The following XPNPEP3 variants were observed in gnomAD, a reference collection of about 807,000 sequenced individuals.
XPNPEP3 encodes xaa-Pro aminopeptidase 3.
A neutral mutation model predicts 60.0 loss-of-function variants in XPNPEP3; 41 were observed. The observed-to-expected ratio is 0.68, with a 90% confidence interval of 0.53 to 0.89. XPNPEP3 has a LOEUF of 0.89. XPNPEP3 is among the 40% of genes least tolerant of loss of function. The pLI is 0.00. For missense variants in XPNPEP3, 598 were observed against 638.9 expected (o/e 0.94, Z 0.69); for synonymous variants, 212 against 223.2 (o/e 0.95, Z 0.45).
rs757212535 is a variant in XPNPEP3, at chr22:40,914,285, A to G, written c.1016A>G (p.Tyr339Cys). Residue 339 changes from tyrosine (Y) to cysteine (C), a missense_variant, in exon 7 of 10, where the codon TAT becomes TGT. Coordinates refer to ENST00000357137, the MANE Select transcript of XPNPEP3 (RefSeq NM_022098.4). ...GATGGAGGTTGTGAGTCTTCCTGCT[A>G]TGTGAGTGACATCACACGTACGTGG... ...LLDGGCESSCYVSDITRTWPV... is the reference protein window; with the variant it reads ...LLDGGCESSCCVSDITRTWPV... The G allele has an allele frequency of 1.7e-5, 28 of 1,613,976 alleles. No individual in the cohort carries two copies. Among genetic ancestry groups the G allele is most frequent in the South Asian group, 4.4e-5 (4 of 91,090 alleles).
At chr22:40,872,497 C>T (rs1340016354) in intron 2 of XPNPEP3, among the ~76,000 whole-genome samples, 1 of 151,710 alleles carries the variant, frequency 6.6e-6, no homozygotes, top group Non-Finnish European at 1.5e-5. Context: ...GTCGCCCAGG[C>T]TGGAGTGCAA....
intron 1 of XPNPEP3, among the ~76,000 whole-genome samples, chr22:40,867,936 C>CAA (rs538562861): frequency 2.0e-4 from 15 of 73,320 alleles, no homozygotes; most frequent in African/African-American, 3.8e-4. Context: ...AGACCTGTCT[C>CAA]AAAAAAAAAA....
intron 3 of XPNPEP3, among the ~76,000 whole-genome samples, chr22:40,883,060 AAAAT>A (rs976881120): frequency 5.9e-5 from 9 of 152,156 alleles, no homozygotes; most frequent in African/African-American, 2.2e-4. Flanking sequence ...CCATCTCCAA[AAAAT>A]AAATAAATTA....
chr22:40,883,067 ATAAAT>A (rs2058054564), intron 3 of XPNPEP3, among the ~76,000 whole-genome samples: 1 of 152,148 alleles, frequency 6.6e-6, no homozygotes, highest in African/African-American at 2.4e-5. Flanking sequence ...CAAAAAATAA[ATAAAT>A]TAAGGACAGG....
intron 7 of XPNPEP3, among the ~76,000 whole-genome samples, chr22:40,915,039 A>T (rs982552295): frequency 8.3e-5 from 12 of 143,862 alleles, no homozygotes; most frequent in Admixed American, 5.4e-4. Flanking sequence ...CAGAAATTGT[A>T]CAAGTCCATT....
In XPNPEP3 at chr22:40,886,370, C is replaced by A. The variant is rs771538106; in HGVS notation, c.647C>A (p.Ser216Tyr). 1.1e-5 allele frequency: 17 copies of A among 1,614,168 alleles called. No individual in the cohort carries two copies. The highest frequency in any genetic ancestry group is 1.4e-5 in the Non-Finnish European group (17 of 1,180,032). The change falls in exon 4 of 10, where the codon TCT becomes TAT. Residue 216 changes from serine (S) to tyrosine (Y), a missense_variant. By Grantham distance (144) the Ser-to-Tyr change is moderately radical (BLOSUM62 -2). Transcript: ENST00000357137. ...WMRPSHAQLH[S>Y]DYMQPLTEAK... ...AGGCCCTCACATGCACAGCTTCACT[C>A]TGACTATATGCAGCCCCTGACTGAG... is the stretch of plus-strand genomic sequence containing the variant.
intron 8 of XPNPEP3, among the ~76,000 whole-genome samples, chr22:40,923,948 C>T (rs1025258319): frequency 2.6e-5 from 4 of 152,106 alleles, no homozygotes; most frequent in African/African-American, 9.7e-5. Flanking sequence ...GAGTAGATTC[C>T]TGAGAGGGAT....
intron 2 of XPNPEP3, among the ~76,000 whole-genome samples, chr22:40,872,215 G>T (rs114174904): frequency 0.011 from 1,677 of 152,262 alleles, 29 homozygotes; most frequent in African/African-American, 0.039. Context: ...GCTAGGTTCT[G>T]TGATTTTACG....
intron 1 of XPNPEP3, chr22:40,860,785 G>GTAGAAA: frequency 1.5e-6 from 1 of 671,704 alleles, no homozygotes; most frequent in Non-Finnish European, 2.4e-6. Context: ...CGAGTAGCTG[G>GTAGAAA]GACTACAGGT....
rs1382499295 is a variant in XPNPEP3, at chr22:40,929,679, C to T, written c.*3244C>T. 6.6e-6 allele frequency: 1 copy of T among 152,090 alleles called. No homozygotes were observed. Among genetic ancestry groups the T allele is most frequent in the African/African-American group, 2.4e-5 (1 of 41,398 alleles). 9.4% of individuals were successfully genotyped at this position (152,090 alleles called of 1,614,324 possible). A position where few individuals can be genotyped will look rare whatever the true frequency, so the allele number is the denominator to read the frequency against. ...CAGTCCCTGACCCAGGTATATTGTCCTTTGAGTCCCAGATTAACTAACTAT... is the reference window on the plus strand; with the variant it reads ...CAGTCCCTGACCCAGGTATATTGTCTTTTGAGTCCCAGATTAACTAACTAT... On this transcript the variant is annotated 3_prime_UTR_variant, in exon 10 of 10. Transcript: ENST00000357137.
rs1309254255 is a variant in XPNPEP3, at chr22:40,886,327, G to T, written c.604G>T (p.Val202Phe). The change falls in exon 4 of 10, where the codon GTT becomes TTT. Residue 202 changes from valine (V) to phenylalanine (F), a missense_variant. Val to Phe is a conservative substitution (Grantham distance 50). Coordinates refer to ENST00000357137, the MANE Select transcript of XPNPEP3 (RefSeq NM_022098.4). ...LPKMKAETNMVWYDWMRPSHA... is the reference protein window; with the variant it reads ...LPKMKAETNMFWYDWMRPSHA... ...CTCATTCTAAGCTGAGACGAACATG[G>T]TTTGGTATGACTGGATGAGGCCCTC... is the stretch of plus-strand genomic sequence containing the variant. 1 of 1,614,072 alleles carries T rather than the reference G, an allele frequency of 6.2e-7. No individual in the cohort carries two copies. The highest frequency in any genetic ancestry group is 1.1e-5 in the South Asian group (1 of 91,080).
At chr22:40,880,731 G>A (rs2058044122) in intron 2 of XPNPEP3, among the ~76,000 whole-genome samples, 1 of 151,408 alleles carries the variant, frequency 6.6e-6, no homozygotes, top group African/African-American at 2.4e-5. Flanking sequence ...GGGAGGCTGA[G>A]GCAGGCCAAG....
intron 8 of XPNPEP3, 41 bp downstream of exon 8, chr22:40,922,554 G>T (rs1569033273): frequency 6.2e-7 from 1 of 1,608,192 alleles, no homozygotes; most frequent in Non-Finnish European, 8.5e-7. Context: ...AGAACACCTA[G>T]CATGCTGCTA....
At chr22:40,861,506 C>T (rs1325262307) in intron 1 of XPNPEP3, 13 of 1,614,106 alleles carry the variant, frequency 8.1e-6, no homozygotes, top group Non-Finnish European at 1.1e-5. Flanking sequence ...CTTCATGCCC[C>T]AATGAACCCT....
chr22:40,887,072 G>A (rs907751902), intron 4 of XPNPEP3, among the ~76,000 whole-genome samples: 3 of 152,092 alleles, frequency 2.0e-5, no homozygotes, highest in East Asian at 3.9e-4. Context: ...TAGAACGACA[G>A]AAATTAATAC....
intron 7 of XPNPEP3, 106 bp downstream of exon 7, chr22:40,914,430 T>C: frequency 2.0e-6 from 2 of 990,398 alleles, no homozygotes; most frequent in South Asian, 2.7e-5. Flanking sequence ...GGTCCATTCC[T>C]GGTCAAGTTA....
At position 40,930,141 on chromosome 22, in the gene XPNPEP3, T is replaced by G. The variant is rs2058249701; in HGVS notation, c.*3706T>G. On this transcript the variant is annotated 3_prime_UTR_variant, in exon 10 of 10. Coordinates refer to ENST00000357137, the MANE Select transcript of XPNPEP3 (RefSeq NM_022098.4). ...TTTTGTGGGGTTTTTTTGTTTTTTT[T>G]TTTTTTGAGATGGAGTCTCGCTCTG... 1 of 150,510 alleles carries G rather than the reference T, an allele frequency of 6.6e-6. No homozygotes were observed. The highest frequency in any genetic ancestry group is 6.6e-5 in the Admixed American group (1 of 15,130). 9.3% of individuals were successfully genotyped at this position (150,510 alleles called of 1,614,324 possible).
chr22:40,923,349 G>T (rs2058223605), intron 8 of XPNPEP3, among the ~76,000 whole-genome samples: 1 of 152,042 alleles, frequency 6.6e-6, no homozygotes, highest in Non-Finnish European at 1.5e-5. Flanking sequence ...TGTCATTAGT[G>T]AATTTTTTTT....
intron 6 of XPNPEP3, among the ~76,000 whole-genome samples, chr22:40,911,163 T>C (rs141035274): frequency 6.6e-6 from 1 of 152,248 alleles, no homozygotes; most frequent in African/African-American, 2.4e-5. Context: ...TTCTACTTGG[T>C]ACAACATAGC....
Sources: gnomAD v4.1 joint callset for allele counts (sites outside exome capture counted in the v4.1 genomes callset) on GRCh38, gnomAD v4.1.1 for gene constraint, MANE v1.5 for transcripts, NCBI Gene and HGNC (gene_info 2026-07-23, HGNC 2026-07-21) for gene names.